The following ZNF366 variants were observed in gnomAD, a reference collection of about 807,000 sequenced individuals.
The protein encoded by ZNF366 is zinc finger protein 366, also known as dendritic cell-specific transcript protein.
Under a neutral mutation model 47.2 loss-of-function variants are expected in ZNF366, and 20 were observed. The observed-to-expected ratio is 0.42, with a 90% CI of 0.30 to 0.62. The LOEUF is 0.62. Among genes scored for constraint, ZNF366 ranks in the 20% least tolerant of loss-of-function variants. ZNF366 has a pLI of 0.16. For missense variants in ZNF366, 987 were observed against 976.3 expected, an observed-to-expected ratio of 1.01 and a Z score of -0.15; for synonymous variants, 421 against 395.1, an observed-to-expected ratio of 1.07 and a Z score of -0.78.
At chr5:72,499,332 C>T (rs866096809) in intron 1 of ZNF366, among the ~76,000 whole-genome samples, 1 of 152,166 alleles carries the variant, frequency 6.6e-6, no homozygotes, top group East Asian at 1.9e-4. Flanking sequence ...TCAAGAAAGA[C>T]GATGCTGGGA....
chr5:72,474,471 A>G (rs1437863245), intron 1 of ZNF366, among the ~76,000 whole-genome samples: 1 of 152,206 alleles, frequency 6.6e-6, no homozygotes, highest in African/African-American at 2.4e-5. Flanking sequence ...ACAGGTTTGT[A>G]TCTCTCTTTT....
chr5:72,449,206 A>G (rs1743014564), intron 3 of ZNF366, among the ~76,000 whole-genome samples: 1 of 150,914 alleles, frequency 6.6e-6, no homozygotes, highest in Non-Finnish European at 1.5e-5. Flanking sequence ...AGTTGTATTT[A>G]TTAGCTTAAT....
intron 1 of ZNF366, 106 bp from the exon 2 acceptor site, chr5:72,461,616 A>C: frequency 7.1e-7 from 1 of 1,415,254 alleles, no homozygotes; most frequent in South Asian, 1.4e-5. Context: ...GAAGAGTAGT[A>C]CTTGCTTAAT....
chr5:72,464,562 G>A lies in ZNF366; in HGVS notation c.-14-3052C>T, dbSNP rs931670101. Among the ~76,000 whole-genome samples, 6 of 151,992 alleles carry A rather than the reference G, an allele frequency of 3.9e-5. No homozygotes were observed. In the South Asian group the frequency reaches 1.2e-3, roughly 32 times the overall value. On this transcript the variant is annotated intron_variant, in intron 1 of 4. Coordinates refer to ENST00000318442, the MANE Select transcript of ZNF366 (RefSeq NM_152625.3). The stretch of plus-strand genomic sequence containing the variant: ...AAAAAAAATGTCGAACAGAGATGAT[G>A]TGGCTATTTCTTTAAACATAAATGG...
In ZNF366 at chr5:72,460,584, C is replaced by T. The variant is rs748445886; in HGVS notation, c.913G>A (p.Gly305Ser). The change falls in exon 2 of 5, where the codon GGC (glycine) becomes AGC (serine). Residue 305 changes from glycine to serine, a missense_variant. Around this residue, in one of 3 missense-constraint regions of ZNF366, gnomAD observed 591 missense variants for 560.9 expected, o/e 1.05. Transcript: ENST00000318442. ...HLHTHMLTHQ[G>S]TRPHKCQVCH... ...ACCTGGCACTTGTGGGGCCGCGTGC[C>T]CTGGTGGGTCAGCATGTGGGTATGC... 3 of 1,614,084 alleles carry T rather than the reference C, an allele frequency of 1.9e-6. No individual in the cohort carries two copies. Among genetic ancestry groups the T allele is most frequent in the South Asian group, 1.1e-5 (1 of 91,084 alleles).
At chr5:72,479,315 C>A (rs1441850700) in intron 1 of ZNF366, among the ~76,000 whole-genome samples, 3 of 152,142 alleles carry the variant, frequency 2.0e-5, no homozygotes, top group Admixed American at 1.3e-4. Context: ...GTAATCCCAG[C>A]ACTTTGGGAG....
In ZNF366 at chr5:72,461,089, G is replaced by T. The variant is rs369976606; in HGVS notation, c.408C>A (p.Phe136Leu). ...SQMIDLCNVG[F>L]QFYRSLEHFG... is the part of the protein sequence containing the mutation. ...AGTGTTCCAGGCTGCGGTAGAATTG[G>T]AAGCCCACGTTGCACAGGTCGATCA... The change falls in exon 2 of 5, where the codon TTC (phenylalanine) becomes TTA (leucine). Residue 136 changes from phenylalanine to leucine, a missense_variant. By Grantham distance (22) the Phe-to-Leu change is conservative (BLOSUM62 0). Coordinates refer to ENST00000318442, the MANE Select transcript of ZNF366 (RefSeq NM_152625.3). 1.2e-6 allele frequency: 2 copies of T among 1,614,170 alleles called. No individual in the cohort carries two copies. The highest frequency in any genetic ancestry group is 1.7e-6 in the Non-Finnish European group (2 of 1,180,030).
intron 1 of ZNF366, among the ~76,000 whole-genome samples, chr5:72,475,568 A>G (rs1456492591): frequency 6.6e-6 from 1 of 152,232 alleles, no homozygotes; most frequent in Non-Finnish European, 1.5e-5. Context: ...ATTATCTTGC[A>G]GAGGGCCTGT....
At chr5:72,455,826 A>T (rs1743170857) in intron 3 of ZNF366, among the ~76,000 whole-genome samples, 1 of 152,178 alleles carries the variant, frequency 6.6e-6, no homozygotes, top group South Asian at 2.1e-4. Context: ...GTTATTCCAC[A>T]GCCCCAGCAA....
At chr5:72,447,548 C>T in intron 3 of ZNF366, 131 bp from the exon 4 acceptor site, 1 of 1,097,978 alleles carries the variant, frequency 9.1e-7, no homozygotes, top group Non-Finnish European at 1.3e-6. Context: ...GGAAAATGTC[C>T]ATAAGGAAAT....
chr5:72,498,013 G>C (rs1391279223), intron 1 of ZNF366, among the ~76,000 whole-genome samples: 1 of 151,478 alleles, frequency 6.6e-6, no homozygotes, highest in African/African-American at 2.4e-5. Context: ...TTTGTCTTTT[G>C]GCTTTGTTTA....
At position 72,460,923 on chromosome 5, in the gene ZNF366, A is replaced by T. The variant is rs1308148066; in HGVS notation, c.574T>A (p.Ser192Thr). 1 of 1,611,496 alleles carries T rather than the reference A, an allele frequency of 6.2e-7. No individual in the cohort carries two copies. The change falls in exon 2 of 5, where the codon TCG becomes ACG. Residue 192 changes from serine to threonine, a missense_variant. By Grantham distance (58) the Ser-to-Thr change is moderately conservative. This residue lies in a region of ZNF366 where 591 missense variants were observed against 560.9 expected (regional missense o/e 1.05). Coordinates refer to ENST00000318442, the MANE Select transcript of ZNF366 (RefSeq NM_152625.3). ...CGGCTGAAGGGGAAGGGCGAGGACG[A>T]GGGCACGAAGAAGGGGAACATGAGG... Reference protein sequence around the residue: ...PGLMFPFFVPSSSPFPFSRHT... With the variant: ...PGLMFPFFVPTSSPFPFSRHT...
rs11275151 is a variant in ZNF366 at position 72,462,547 on chromosome 5, C to CTTTCTTTCTTTCTTTCTTTCTTTCTT, written c.-14-1038_-14-1037insAAGAAAGAAAGAAAGAAAGAAAGAAA. Among the ~76,000 whole-genome samples, 125 of 78,922 alleles carry CTTTCTTTCTTTCTTTCTTTCTTTCTT rather than the reference C, an allele frequency of 1.6e-3. 1 individual carries two copies. Among genetic ancestry groups the CTTTCTTTCTTTCTTTCTTTCTTTCTT allele is most frequent in the African/African-American group, 5.5e-3 (92 of 16,750 alleles). 51.8% of individuals were successfully genotyped at this position (78,922 alleles called of 152,430 possible). A position where few individuals can be genotyped will look rare whatever the true frequency, so the allele number is the denominator to read the frequency against. On this transcript the variant is annotated intron_variant, in intron 1 of 4. Transcript: ENST00000318442. ...TCTTTCTTTCTTTCTTTCTTTCTTTCTTTTTTTTTTTTTTTGGAGATGGAG... is the reference window on the plus strand; with the variant it reads ...TCTTTCTTTCTTTCTTTCTTTCTTTCTTTCTTTCTTTCTTTCTTTCTTTCTTTTTTTTTTTTTTTTTGGAGATGGAG...
chr5:72,493,003 C>T (rs1435832817), intron 1 of ZNF366, among the ~76,000 whole-genome samples: 1 of 152,198 alleles, frequency 6.6e-6, no homozygotes, highest in African/African-American at 2.4e-5. Context: ...ATCATCAGCT[C>T]TCTAGCTTGA....
chr5:72,450,751 C>T (rs1049224557), intron 3 of ZNF366, among the ~76,000 whole-genome samples: 7 of 152,204 alleles, frequency 4.6e-5, no homozygotes, highest in African/African-American at 1.4e-4. Context: ...TTATCCAGAA[C>T]ACTTGGCCTT....
intron 1 of ZNF366, among the ~76,000 whole-genome samples, chr5:72,489,064 T>C (rs1743952501): frequency 6.6e-6 from 1 of 152,204 alleles, no homozygotes; most frequent in African/African-American, 2.4e-5. Context: ...CATTTCCTTG[T>C]GGAATCTTTA....
At chr5:72,493,833 C>A (rs1407248954) in intron 1 of ZNF366, among the ~76,000 whole-genome samples, 9 of 151,664 alleles carry the variant, frequency 5.9e-5, no homozygotes, top group Admixed American at 2.6e-4. Flanking sequence ...CAGCTCACTG[C>A]AACCTCTGCC....
intron 2 of ZNF366, among the ~76,000 whole-genome samples, chr5:72,458,039 C>A (rs1397068255): frequency 1.0e-4 from 10 of 99,604 alleles, no homozygotes; most frequent in Admixed American, 1.0e-3. Context: ...TTTTTTGAGA[C>A]GGAATCTCAC....
At chr5:72,489,352 A>G (rs1352228168) in intron 1 of ZNF366, among the ~76,000 whole-genome samples, 13 of 152,234 alleles carry the variant, frequency 8.5e-5, no homozygotes. Flanking sequence ...CTGGATTTAT[A>G]TAGTGGATAT....
Sources: gnomAD v4.1 joint callset for allele counts (sites outside exome capture counted in the v4.1 genomes callset) on GRCh38, gnomAD v4.1.1 for gene constraint, gnomAD v4.1.1 regional missense constraint, MANE v1.5 for transcripts, NCBI Gene and HGNC (gene_info 2026-07-23, HGNC 2026-07-21) for gene names.